ULK4: variants seen among roughly 807,000 people sequenced by gnomAD.
The protein encoded by ULK4 is unc-51 like kinase 4.
Under a neutral mutation model 160.6 loss-of-function variants are expected in ULK4, and 133 were observed. The ratio of observed to expected loss-of-function variants is 0.83; its 90% confidence interval spans 0.72 to 0.96. The LOEUF is 0.96. ULK4 is among the 40% of genes least tolerant of loss of function. The probability of loss-of-function intolerance (pLI) is 0.00; values close to 1 mark genes in which losing one functional copy is unlikely to be tolerated. For missense variants in ULK4, 1,580 were observed against 1,499.5 expected (o/e 1.05, Z -0.89); for synonymous variants, 534 against 539.8 (o/e 0.99, Z 0.15).
At chr3:41,395,405 T>G (rs1184328460) in intron 35 of ULK4, among the ~76,000 whole-genome samples, 1 of 152,092 alleles carries the variant, frequency 6.6e-6, no homozygotes, top group Non-Finnish European at 1.5e-5. Context: ...TAACACATTT[T>G]TAAAATGTGG....
At position 41,791,576 on chromosome 3, in the gene ULK4, C is replaced by T. The variant is rs540405319; in HGVS notation, c.2011-1733G>A. ...GAGATGGGAGGTAGGAATGGGGCCA[C>T]GAAGAACCTTCGATCTTCCACGTTT... On this transcript the variant is annotated intron_variant, in intron 20 of 36. Transcript: ENST00000301831. Among the ~76,000 whole-genome samples the T allele has an allele frequency of 1.3e-3, 201 of 152,264 alleles. 1 individual carries two copies. The highest frequency in any genetic ancestry group is 4.6e-3 in the African/African-American group (192 of 41,552).
At chr3:41,291,339 G>A (rs2079557465) in intron 35 of ULK4, among the ~76,000 whole-genome samples, 1 of 147,702 alleles carries the variant, frequency 6.8e-6, no homozygotes, top group Non-Finnish European at 1.5e-5. Flanking sequence ...AGAGAAAGAA[G>A]GAAGGAAGGA....
intron 32 of ULK4, among the ~76,000 whole-genome samples, chr3:41,556,540 T>C (rs1286250671): frequency 7.3e-6 from 1 of 136,418 alleles, no homozygotes; most frequent in Non-Finnish European, 1.5e-5. Flanking sequence ...TAGGCTGGAG[T>C]GCAGTGGCAC....
rs79103220 is a variant in ULK4 at position 41,352,947 on chromosome 3, A to C, written c.3678+45132T>G. Among the ~76,000 whole-genome samples, 993 of 152,168 alleles carry C rather than the reference A, an allele frequency of 6.5e-3. 19 individuals carry two copies. Among genetic ancestry groups the C allele is most frequent in the African/African-American group, 0.023 (946 of 41,522 alleles). On this transcript the variant is annotated intron_variant, in intron 35 of 36. Transcript: ENST00000301831. ...AGAGAGCAGTACCATCTTCCACCCA[A>C]TTGGGTGTCAGAACAGTCAGTACCC...
chr3:41,307,212 A>C (rs899557419), intron 35 of ULK4, among the ~76,000 whole-genome samples: 2 of 150,860 alleles, frequency 1.3e-5, no homozygotes, highest in Non-Finnish European at 2.9e-5. Context: ...GCAGCAGAAA[A>C]ATACTGGGAA....
intron 29 of ULK4, among the ~76,000 whole-genome samples, chr3:41,666,690 A>G (rs1478360481): frequency 6.6e-6 from 1 of 152,224 alleles, no homozygotes; most frequent in Non-Finnish European, 1.5e-5. Flanking sequence ...GAATTTTTAT[A>G]AAGCTTCCCA....
intron 30 of ULK4, among the ~76,000 whole-genome samples, chr3:41,663,380 A>T (rs576994104): frequency 6.6e-6 from 1 of 152,350 alleles, no homozygotes; most frequent in Admixed American, 6.5e-5. Context: ...ATTTTAAAGC[A>T]GCATGCATTC....
At chr3:41,869,526 G>C (rs1262738421) in intron 17 of ULK4, among the ~76,000 whole-genome samples, 1 of 152,300 alleles carries the variant, frequency 6.6e-6, no homozygotes, top group East Asian at 1.9e-4. Context: ...GGTGCAATGA[G>C]CCAAGATTAT....
rs1391033822 is a variant in ULK4, at chr3:41,493,450, G to C, written c.3227-30197C>G. On this transcript the variant is annotated intron_variant, in intron 32 of 36. Coordinates refer to ENST00000301831, the MANE Select transcript of ULK4 (RefSeq NM_017886.4). Reference sequence around the variant, plus strand: ...AGCAGTGTGTAGAGGGAAATTTATAGCACTAAATGCCCACAAGAGAAAGCA... The same window carrying C: ...AGCAGTGTGTAGAGGGAAATTTATACCACTAAATGCCCACAAGAGAAAGCA... Among the ~76,000 whole-genome samples the C allele has an allele frequency of 1.5e-5, 2 of 129,206 alleles. 1 individual carries two copies. Among genetic ancestry groups the C allele is most frequent in the Non-Finnish European group, 3.4e-5 (2 of 58,164 alleles). The allele number at this position is 129,206 out of a possible 152,430, so 84.8% of individuals were successfully genotyped here. A position where few individuals can be genotyped will look rare whatever the true frequency, so the allele number is the denominator to read the frequency against.
chr3:41,328,176 C>T (rs1056990811), intron 35 of ULK4, among the ~76,000 whole-genome samples: 3 of 152,138 alleles, frequency 2.0e-5, no homozygotes, highest in South Asian at 2.1e-4. Context: ...CTACTCCTGT[C>T]GAACATTATG....
intron 22 of ULK4, among the ~76,000 whole-genome samples, chr3:41,726,194 A>T (rs2037644056): frequency 6.6e-6 from 1 of 152,224 alleles, no homozygotes; most frequent in African/African-American, 2.4e-5. Flanking sequence ...TATTCAAATC[A>T]TTTTCAAACA....
chr3:41,810,661 T>C (rs1025993382), intron 19 of ULK4, among the ~76,000 whole-genome samples: 1 of 152,098 alleles, frequency 6.6e-6, no homozygotes, highest in Non-Finnish European at 1.5e-5. Context: ...TTTTAAAAAA[T>C]TTAAGACAAA....
At chr3:41,390,720 T>C (rs1260119246) in intron 35 of ULK4, among the ~76,000 whole-genome samples, 1 of 152,236 alleles carries the variant, frequency 6.6e-6, no homozygotes, top group Non-Finnish European at 1.5e-5. Context: ...GATTTCACTG[T>C]GGTCTGAGAG....
intron 35 of ULK4, among the ~76,000 whole-genome samples, chr3:41,364,736 TC>T (rs769747826): frequency 1.3e-5 from 2 of 152,202 alleles, no homozygotes; most frequent in Non-Finnish European, 2.9e-5. Flanking sequence ...AAATTGGAGT[TC>T]CAGTCCTCTT....
intron 32 of ULK4, among the ~76,000 whole-genome samples, chr3:41,522,196 A>G (rs909769049): frequency 1.4e-5 from 2 of 146,212 alleles, no homozygotes; most frequent in African/African-American, 5.1e-5. Context: ...GCACAGTCTC[A>G]GCTCACTGCA....
At chr3:41,452,871 T>G (rs2083452841) in intron 34 of ULK4, among the ~76,000 whole-genome samples, 1 of 152,178 alleles carries the variant, frequency 6.6e-6, no homozygotes, top group African/African-American at 2.4e-5. Flanking sequence ...GAATGGCTTT[T>G]GAATCAAAAC....
chr3:41,250,061 AG>A (rs2125666802), intron 35 of ULK4, among the ~76,000 whole-genome samples: 1 of 152,306 alleles, frequency 6.6e-6, no homozygotes, highest in South Asian at 2.1e-4. Context: ...ACTAAACCCC[AG>A]GAAGTGTGCC....
rs1444494321 is a variant in ULK4 at position 41,733,324 on chromosome 3, T to C, written c.2322-15463A>G. 2.0e-5 allele frequency among the ~76,000 whole-genome samples: 3 copies of C among 152,000 alleles called. No individual in the cohort carries two copies. The East Asian group carries it at 5.8e-4, about 29-fold the overall frequency. Reference sequence around the variant, plus strand: ...GCATCACACACAAGCAGAAAAGGTGTTGTCTCTGAAACCATTTAAATGGAA... The same window carrying C: ...GCATCACACACAAGCAGAAAAGGTGCTGTCTCTGAAACCATTTAAATGGAA... On this transcript the variant is annotated intron_variant, in intron 22 of 36. Coordinates refer to ENST00000301831, the MANE Select transcript of ULK4 (RefSeq NM_017886.4).
At chr3:41,495,387 G>C (rs934843733) in intron 32 of ULK4, among the ~76,000 whole-genome samples, 5 of 151,992 alleles carry the variant, frequency 3.3e-5, no homozygotes, top group Non-Finnish European at 5.9e-5. Flanking sequence ...GTAGAAAGCT[G>C]AAACTGGATC....
Sources: allele counts gnomAD v4.1 joint callset (sites outside exome capture counted in the v4.1 genomes callset), GRCh38; gene constraint gnomAD v4.1.1; transcripts MANE v1.5; gene names NCBI Gene and HGNC (gene_info 2026-07-23, HGNC 2026-07-21).